Variants in MAK observed in about 807,000 individuals in gnomAD.
MAK encodes the protein serine/threonine-protein kinase MAK.
A neutral mutation model predicts 82.6 loss-of-function variants in MAK; 65 were observed. The ratio of observed to expected loss-of-function variants is 0.79; its 90% CI spans 0.64 to 0.97. MAK has a LOEUF of 0.97. Ranked by LOEUF, MAK falls within the 50% of genes least tolerant of loss-of-function variation. MAK has a pLI of 0.00. For missense variants in MAK, 703 were observed against 780.2 expected (o/e 0.90, Z 1.18); for synonymous variants, 250 against 274.2 (o/e 0.91, Z 0.87).
chr6:10,783,632 C>G (rs934266490), intron 11 of MAK, among the ~76,000 whole-genome samples: 1 of 152,178 alleles, frequency 6.6e-6, no homozygotes, highest in Non-Finnish European at 1.5e-5. Context: ...ATTACCCCAC[C>G]CCATCCGGAC....
intron 11 of MAK, among the ~76,000 whole-genome samples, chr6:10,784,180 T>A (rs778213642): frequency 6.6e-6 from 1 of 152,032 alleles, no homozygotes; most frequent in Non-Finnish European, 1.5e-5. Flanking sequence ...GGGGTGGGGG[T>A]TGGTGTTTTC....
At chr6:10,808,497 G>A (rs1163511348) in intron 6 of MAK, among the ~76,000 whole-genome samples, 1 of 152,142 alleles carries the variant, frequency 6.6e-6, no homozygotes, top group Non-Finnish European at 1.5e-5. Flanking sequence ...AGCAGCATAA[G>A]GCAGAGATTT....
chr6:10,837,475 C>G (rs1029209766), intron 1 of MAK, among the ~76,000 whole-genome samples: 1 of 152,232 alleles, frequency 6.6e-6, no homozygotes, highest in African/African-American at 2.4e-5. Flanking sequence ...CTTTCTCCCT[C>G]CCGGTCAAGC....
intron 5 of MAK, among the ~76,000 whole-genome samples, chr6:10,810,821 C>T (rs1776872222): frequency 1.3e-5 from 2 of 152,084 alleles, no homozygotes; most frequent in Non-Finnish European, 2.9e-5. Context: ...TGTAATGTAA[C>T]GACAGGAATG....
Position 10,787,327 on chromosome 6 carries a change from T to C in MAK, c.1317-2755A>G, listed in dbSNP as rs984747967. ...AGCTCCTATTGCTAAAGAAGCAGTGTGGGGTAGAAGAGAGAAAGACCTGGA... is the reference window on the plus strand; with the variant it reads ...AGCTCCTATTGCTAAAGAAGCAGTGCGGGGTAGAAGAGAGAAAGACCTGGA... On this transcript the variant is annotated intron_variant, in intron 10 of 14. Transcript: ENST00000354489. 7.9e-5 allele frequency among the ~76,000 whole-genome samples: 12 copies of C among 152,334 alleles called. No homozygotes were observed. In the South Asian group the frequency reaches 1.5e-3, roughly 18 times the overall value.
chr6:10,801,694 T>G (rs1776028953), intron 8 of MAK, among the ~76,000 whole-genome samples, 198 bp downstream of exon 8: 1 of 152,218 alleles, frequency 6.6e-6, no homozygotes, highest in Admixed American at 6.5e-5. Context: ...ATCATTGGTG[T>G]GGCTATTTCT....
At chr6:10,829,326 C>CAA (rs1405041615) in intron 2 of MAK, 1 of 152,132 alleles carries the variant, frequency 6.6e-6, no homozygotes, top group Non-Finnish European at 1.5e-5. Flanking sequence ...ATTCAGAACT[C>CAA]AATTTGACAT....
At position 10,800,634 on chromosome 6, in the gene MAK, G is replaced by A. The variant is rs1487575314; in HGVS notation, c.831+1258C>T. 1.3e-5 allele frequency among the ~76,000 whole-genome samples: 2 copies of A among 151,934 alleles called. No homozygotes were observed. The highest frequency in any genetic ancestry group is 1.5e-5 in the Non-Finnish European group (1 of 67,996). ...GAGGGCAGATCACCTGAGGTTGGGA[G>A]GTCGAGACCAGCCTCACCAACATGG... On this transcript the variant is annotated intron_variant, in intron 8 of 14. Transcript: ENST00000354489. This position sits in a 1 kb window ranked among gnomAD's most constrained non-coding sequence, Gnocchi z 4.2.
chr6:10,772,620 G>A lies in MAK; in HGVS notation c.1672+414C>T, dbSNP rs186451451. Among the ~76,000 whole-genome samples, 49 of 152,104 alleles carry A rather than the reference G, an allele frequency of 3.2e-4. No individual in the cohort carries two copies. The East Asian group carries it at 8.9e-3, about 28-fold the overall frequency. ...GGCCTCCTGAAGTGCTGGGATTTCA[G>A]GTGTGAGCCACCGCGCCCAGCCTAA... On this transcript the variant is annotated intron_variant, in intron 13 of 14. Transcript: ENST00000354489.
At chr6:10,768,845 T>C (rs1218670116) in intron 14 of MAK, among the ~76,000 whole-genome samples, 1 of 152,196 alleles carries the variant, frequency 6.6e-6, no homozygotes, top group Non-Finnish European at 1.5e-5. Flanking sequence ...GACTGGCACA[T>C]CTAATCAGGG....
chr6:10,798,621 G>A (rs192301373), intron 8 of MAK, among the ~76,000 whole-genome samples: 5 of 151,230 alleles, frequency 3.3e-5, no homozygotes, highest in Non-Finnish European at 1.5e-5. Context: ...TATACTTTTC[G>A]GTATTTTTTT....
chr6:10,772,500 C>T (rs1415833478), intron 13 of MAK, among the ~76,000 whole-genome samples: 1 of 151,964 alleles, frequency 6.6e-6, no homozygotes, highest in Non-Finnish European at 1.5e-5. Context: ...CATGCCACCA[C>T]ACACAGCTAA....
rs542922284 is a variant in MAK at position 10,784,353 on chromosome 6, G to A, written c.1465+71C>T. On this transcript the variant is annotated intron_variant, in intron 11 of 14. Coordinates refer to ENST00000354489, the MANE Select transcript of MAK (RefSeq NM_001242957.3). ...GCTTCACTGCTGCCCTTTCTTTGGAGATTCCAAGACACTTGAACCTGACCT... is the reference window on the plus strand; with the variant it reads ...GCTTCACTGCTGCCCTTTCTTTGGAAATTCCAAGACACTTGAACCTGACCT... 24 of 1,545,298 alleles carry A rather than the reference G, an allele frequency of 1.6e-5. No homozygotes were observed. In the Admixed American group the frequency reaches 3.2e-4, roughly 20 times the overall value.
intron 5 of MAK, among the ~76,000 whole-genome samples, chr6:10,809,382 G>A (rs920786234): frequency 6.6e-6 from 1 of 152,172 alleles, no homozygotes; most frequent in Non-Finnish European, 1.5e-5. Context: ...TTTAAGATAG[G>A]TCTTGCTCTG....
chr6:10,803,978 A>C, intron 6 of MAK, 87 bp from the exon 7 acceptor site: 1 of 1,153,632 alleles, frequency 8.7e-7, no homozygotes, highest in Non-Finnish European at 1.3e-6. Context: ...GTGGTCATGC[A>C]TTTCCATCAA....
In MAK at chr6:10,801,879, A is replaced by G. The variant is rs924063130; in HGVS notation, c.831+13T>C. ...AAACATTTTTAAAGGTCTAACAGGA[A>G]GACTCCTCTTACCTGGCTTGCTGTC... On this transcript the variant is annotated intron_variant, in intron 8 of 14. Transcript: ENST00000354489. 1.2e-6 allele frequency: 2 copies of G among 1,613,508 alleles called. No individual in the cohort carries two copies. Among genetic ancestry groups the G allele is most frequent in the Non-Finnish European group, 8.5e-7 (1 of 1,179,358 alleles).
At position 10,764,491 on chromosome 6, in the gene MAK, C is replaced by T. The variant is rs537862624; in HGVS notation, c.1908G>A (p.Gly636=). ...CATACTTGGCCACCCAGTCTGTCCT[C>T]CCATGCACTGAGGGAATGGGCTGTG... The part of the protein sequence containing the change: ...NRAQPIPSVH[G]RTDWVAKYGG... Residue 636 remains glycine (G), a synonymous_variant, in exon 15 of 15, where the codon GGG becomes GGA. Transcript: ENST00000354489. The T allele has an allele frequency of 9.9e-6, 16 of 1,614,046 alleles. No homozygotes were observed. The East Asian group carries it at 2.9e-4, about 29-fold the overall frequency.
chr6:10,779,619 C>T (rs938355350), intron 11 of MAK: 18 of 170,764 alleles, frequency 1.1e-4, no homozygotes, highest in Non-Finnish European at 1.8e-4. Context: ...ATTTTTTATT[C>T]CTGAAGATAC....
intron 2 of MAK, among the ~76,000 whole-genome samples, chr6:10,824,106 T>C (rs1393220546): frequency 1.3e-5 from 2 of 152,194 alleles, no homozygotes; most frequent in Non-Finnish European, 2.9e-5. Context: ...CCTGCTTGTA[T>C]GACTCTTGTA....
Sources: gnomAD v4.1 joint callset for allele counts (sites outside exome capture counted in the v4.1 genomes callset) on GRCh38, gnomAD v4.1.1 for gene constraint, Gnocchi (gnomAD v3.1) non-coding constraint, MANE v1.5 for transcripts, NCBI Gene and HGNC (gene_info 2026-07-23, HGNC 2026-07-21) for gene names.